The following SPHKAP variants were observed in gnomAD, a reference collection of about 807,000 sequenced individuals.
The protein encoded by SPHKAP is SPHK1 interactor, AKAP domain containing, also known as A-kinase anchor protein SPHKAP.
In SPHKAP, 67 loss-of-function variants were observed where a neutral mutation model predicts 137.5. The ratio of observed to expected loss-of-function variants is 0.49; its 90% CI spans 0.40 to 0.60. The LOEUF is 0.60. SPHKAP is among the 20% of genes least tolerant of loss of function. The pLI is 0.00. For synonymous variants in SPHKAP, 813 were observed against 785.3 expected, an observed-to-expected ratio of 1.04 and a Z score of -0.59; for missense variants, 2,097 against 2,069.3, an observed-to-expected ratio of 1.01 and a Z score of -0.26.
At chr2:228,061,256 AT>A (rs1696623326) in intron 3 of SPHKAP, among the ~76,000 whole-genome samples, 1 of 151,020 alleles carries the variant, frequency 6.6e-6, no homozygotes, top group African/African-American at 2.4e-5. Context: ...TTATTATTTT[AT>A]TTTATTTATT....
At chr2:228,052,651 G>A (rs1696300576) in intron 3 of SPHKAP, among the ~76,000 whole-genome samples, 1 of 152,116 alleles carries the variant, frequency 6.6e-6, no homozygotes, top group Admixed American at 6.6e-5. Context: ...AATACCTAAA[G>A]CTGTCTCCCA....
chr2:228,174,910 G>A (rs1700694215), intron 1 of SPHKAP, among the ~76,000 whole-genome samples: 1 of 151,596 alleles, frequency 6.6e-6, no homozygotes, highest in African/African-American at 2.4e-5. Flanking sequence ...GTAAAACATG[G>A]TAACCAGATG....
At chr2:228,005,218 C>A (rs1305034989) in intron 7 of SPHKAP, among the ~76,000 whole-genome samples, 3 of 152,164 alleles carry the variant, frequency 2.0e-5, no homozygotes, top group Non-Finnish European at 4.4e-5. Context: ...TAAGGACTTG[C>A]TTTATGAATC....
At chr2:228,102,899 A>T (rs1353528537) in intron 3 of SPHKAP, among the ~76,000 whole-genome samples, 4 of 152,040 alleles carry the variant, frequency 2.6e-5, no homozygotes, top group Non-Finnish European at 5.9e-5. Flanking sequence ...TTGCCACCAC[A>T]TCCAACTAAT....
At chr2:228,044,107 A>G (rs1374483849) in intron 3 of SPHKAP, among the ~76,000 whole-genome samples, 1 of 152,228 alleles carries the variant, frequency 6.6e-6, no homozygotes, top group Non-Finnish European at 1.5e-5. Flanking sequence ...CAACCAAACT[A>G]CTAAATAACT....
chr2:228,032,278 A>G (rs1695361606), intron 3 of SPHKAP, among the ~76,000 whole-genome samples: 4 of 152,234 alleles, frequency 2.6e-5, no homozygotes. Context: ...AAGAAAGGGT[A>G]TCATTGATGG....
intron 3 of SPHKAP, among the ~76,000 whole-genome samples, chr2:228,034,013 A>G (rs990393609): frequency 1.3e-5 from 2 of 152,248 alleles, no homozygotes; most frequent in Non-Finnish European, 2.9e-5. Context: ...AGCAGAAGGC[A>G]AGAAATAACT....
chr2:228,114,123 G>C (rs1343395025), intron 2 of SPHKAP, among the ~76,000 whole-genome samples: 2 of 152,114 alleles, frequency 1.3e-5, no homozygotes, highest in Non-Finnish European at 2.9e-5. Flanking sequence ...TGGCTCATTT[G>C]TCTGCTATTT....
intron 7 of SPHKAP, chr2:227,996,072 T>C (rs1693631742): frequency 2.0e-6 from 2 of 983,422 alleles, no homozygotes; most frequent in African/African-American, 3.5e-5. Context: ...GGTCCACAAA[T>C]CTGCATTTTT....
chr2:228,001,736 CAG>C (rs1269102000), intron 7 of SPHKAP, among the ~76,000 whole-genome samples: 1 of 151,890 alleles, frequency 6.6e-6, no homozygotes, highest in Admixed American at 6.6e-5. Context: ...CAGCCCACAA[CAG>C]GCCCTGGTGT....
chr2:227,991,820 A>C (rs4973547), intron 9 of SPHKAP: 216,250 of 490,764 alleles, frequency 0.44, 48,559 homozygotes, highest in East Asian at 0.65. Flanking sequence ...GTATATGGTT[A>C]TTTGATCTGA....
At chr2:228,085,399 TA>T (rs1697505338) in intron 3 of SPHKAP, among the ~76,000 whole-genome samples, 1 of 152,210 alleles carries the variant, frequency 6.6e-6, no homozygotes, top group African/African-American at 2.4e-5. Flanking sequence ...TTCAAGGATA[TA>T]GGACTAAGCT....
At position 228,155,307 on chromosome 2, in the gene SPHKAP, TA is replaced by T. The variant is rs528592913; in HGVS notation, c.33-23223del. 4.7e-3 allele frequency among the ~76,000 whole-genome samples: 721 copies of T among 152,100 alleles called. 5 individuals carry two copies. The highest frequency in any genetic ancestry group is 0.016 in the African/African-American group (675 of 41,470). ...GTAGATCATTAATAAAGTAATTGAG[TA>T]ATAAAATAATTGAAATGGAGATAAT... On this transcript the variant is annotated intron_variant, in intron 1 of 11. Transcript: ENST00000392056.
Position 228,036,190 on chromosome 2 carries a change from AAAAC to A in SPHKAP, c.247-8651_247-8648del, listed in dbSNP as rs1173164983. Among the ~76,000 whole-genome samples the A allele has an allele frequency of 9.1e-4, 137 of 151,266 alleles. No homozygotes were observed. The South Asian group carries it at 0.01, about 11-fold the overall frequency. ...TGAACTCAAACAAATTTACAAGAAA[AAAAC>A]AAACAACCCCATCAAAAAGTGGGCA... On this transcript the variant is annotated intron_variant, in intron 3 of 11. Transcript: ENST00000392056.
intron 3 of SPHKAP, among the ~76,000 whole-genome samples, chr2:228,078,686 T>A (rs549190476): frequency 2.4e-4 from 37 of 152,222 alleles, no homozygotes; most frequent in African/African-American, 8.9e-4. Flanking sequence ...AGCATCCCCA[T>A]GTAGCAGAGA....
intron 3 of SPHKAP, among the ~76,000 whole-genome samples, chr2:228,094,625 C>T (rs139813270): frequency 6.6e-6 from 1 of 152,076 alleles, no homozygotes; most frequent in Non-Finnish European, 1.5e-5. Context: ...TTTTGCGTGC[C>T]GTTTAAAAAA....
intron 1 of SPHKAP, among the ~76,000 whole-genome samples, chr2:228,175,771 T>C (rs985560254): frequency 6.6e-6 from 1 of 152,170 alleles, no homozygotes; most frequent in East Asian, 1.9e-4. Flanking sequence ...CAATACCCTA[T>C]CTATAAGAAA....
chr2:227,992,745 G>A (rs1693460537), intron 9 of SPHKAP, among the ~76,000 whole-genome samples: 1 of 152,162 alleles, frequency 6.6e-6, no homozygotes, highest in South Asian at 2.1e-4. Context: ...TAGTTAAATG[G>A]TGAAATAAAA....
intron 1 of SPHKAP, among the ~76,000 whole-genome samples, chr2:228,138,181 T>C (rs892266662): frequency 6.6e-6 from 1 of 152,188 alleles, no homozygotes. Flanking sequence ...TTGGCCTGTC[T>C]AGTAAGCACC....
Sources: gnomAD v4.1 joint callset for allele counts (sites outside exome capture counted in the v4.1 genomes callset) on GRCh38, gnomAD v4.1.1 for gene constraint, MANE v1.5 for transcripts, NCBI Gene and HGNC (gene_info 2026-07-23, HGNC 2026-07-21) for gene names.